Variants in CFAP119 observed in about 807,000 individuals in gnomAD.
CFAP119 encodes cilia- and flagella-associated protein 119.
chr16:30,757,549 AGC>A, the CFAP119 span: 3 of 1,614,098 alleles, frequency 1.9e-6, no homozygotes, highest in African/African-American at 2.7e-5. Flanking sequence ...CTTGCTGCTG[AGC>A]CTTTCCTCGC....
the CFAP119 span, chr16:30,757,574 G>A: frequency 5.8e-5 from 94 of 1,614,174 alleles, no homozygotes; most frequent in East Asian, 1.4e-3. Context: ...GCCTTGAGCC[G>A]CTCCTCCACC....
the CFAP119 span, chr16:30,761,257 G>A: frequency 7.7e-5 from 124 of 1,613,486 alleles, no homozygotes; most frequent in Non-Finnish European, 1.0e-4. Flanking sequence ...ATTGGGGAAG[G>A]CAGCTGCGGT....
chr16:30,760,036 G>A, the CFAP119 span: 13 of 1,504,194 alleles, frequency 8.6e-6, no homozygotes, highest in Non-Finnish European at 1.1e-5. Flanking sequence ...TAAAGCAGGT[G>A]TTATTGTGCA....
At chr16:30,759,487 T>G in the CFAP119 span, 2 of 1,614,094 alleles carry the variant, frequency 1.2e-6, no homozygotes, top group African/African-American at 2.7e-5. Flanking sequence ...ATTAGAACCC[T>G]GACTACCTTC....
At chr16:30,761,220 G>A in the CFAP119 span, 4 of 1,613,784 alleles carry the variant, frequency 2.5e-6, no homozygotes, top group South Asian at 1.1e-5. Flanking sequence ...CGGGGTCGGG[G>A]CAGCGGCGGC....
the CFAP119 span, chr16:30,759,926 C>G: frequency 6.9e-7 from 1 of 1,439,410 alleles, no homozygotes; most frequent in South Asian, 1.5e-5. Context: ...ACAAGACAGA[C>G]AAGGTCCTGC....
the CFAP119 span, chr16:30,758,946 C>G: frequency 0.99 from 1,589,740 of 1,599,848 alleles, 790,327 homozygotes; most frequent in Non-Finnish European, 1. Flanking sequence ...GTCCTGATGT[C>G]ATCCAAACCC....
At chr16:30,761,295 G>A in the CFAP119 span, 2 of 1,601,254 alleles carry the variant, frequency 1.2e-6, no homozygotes, top group Non-Finnish European at 1.7e-6. Flanking sequence ...ATCTCCAGCA[G>A]GCCGGAGAAG....
At chr16:30,761,159 C>A in the CFAP119 span, 28 of 1,607,454 alleles carry the variant, frequency 1.7e-5, no homozygotes, top group Non-Finnish European at 2.3e-5. Context: ...CAATAAAGAA[C>A]GCAAATATTC....
chr16:30,761,522 A>G, the CFAP119 span: 1 of 1,535,848 alleles, frequency 6.5e-7, no homozygotes, highest in Non-Finnish European at 8.7e-7. Context: ...ATTCACGAGC[A>G]GACCAGACTG....
chr16:30,759,892 C>T, the CFAP119 span: 1 of 1,444,038 alleles, frequency 6.9e-7, no homozygotes, highest in Non-Finnish European at 9.1e-7. Context: ...CACTATATGC[C>T]CACTGTATGG....
chr16:30,759,469 G>A, the CFAP119 span: 1 of 1,614,164 alleles, frequency 6.2e-7, no homozygotes, highest in Non-Finnish European at 8.5e-7. Context: ...CTGTGGTGGT[G>A]ACTCGGAATT....
the CFAP119 span, chr16:30,758,658 C>G: frequency 3.3e-6 from 1 of 301,084 alleles, no homozygotes; most frequent in Non-Finnish European, 6.4e-6. Flanking sequence ...TGGGTTCATG[C>G]AGTTCTCCTG....
the CFAP119 span, chr16:30,761,528 G>T: frequency 1.4e-5 from 21 of 1,535,956 alleles, no homozygotes; most frequent in South Asian, 2.3e-4. Flanking sequence ...GAGCAGACCA[G>T]ACTGTCCCGC....
chr16:30,759,769 C>T, the CFAP119 span: 1 of 1,561,888 alleles, frequency 6.4e-7, no homozygotes, highest in Non-Finnish European at 8.7e-7. Context: ...TCTCTGGTAT[C>T]CATTCATTCA....
At chr16:30,760,143 C>T in the CFAP119 span, 1 of 1,568,650 alleles carries the variant, frequency 6.4e-7, no homozygotes, top group Non-Finnish European at 8.6e-7. Context: ...GATTGGAAAG[C>T]TGATGGCTTG....
At chr16:30,761,322 T>C in the CFAP119 span, 6 of 1,569,340 alleles carry the variant, frequency 3.8e-6, no homozygotes, top group South Asian at 5.5e-5. Flanking sequence ...TAACTTGCCA[T>C]CTCATCTCAA....
chr16:30,761,374 C>A, the CFAP119 span: 1 of 1,389,040 alleles, frequency 7.2e-7, no homozygotes, highest in South Asian at 1.2e-5. Flanking sequence ...TTCAGCAGGC[C>A]CTAGGTGCTC....
At chr16:30,759,938 C>CT in the CFAP119 span, 2 of 1,441,842 alleles carry the variant, frequency 1.4e-6, no homozygotes, top group Non-Finnish European at 1.8e-6. Flanking sequence ...AGGTCCTGCC[C>CT]TTACGAAGCT....
Sources: allele counts gnomAD v4.1 joint callset, GRCh38; gene constraint gnomAD v4.1.1; transcripts MANE v1.5; gene names NCBI Gene and HGNC (gene_info 2026-07-23, HGNC 2026-07-21).